Variants in SNRPN observed in about 807,000 individuals in gnomAD.
The protein encoded by SNRPN is small nuclear ribonucleoprotein polypeptide N, also known as small nuclear ribonucleoprotein-associated protein N.
Under a neutral mutation model 25.2 loss-of-function variants are expected in SNRPN, and 7 were observed. The ratio of observed to expected loss-of-function variants is 0.28; its 90% CI spans 0.16 to 0.52. SNRPN has a LOEUF of 0.52. Among genes scored for constraint, SNRPN ranks in the 20% least tolerant of loss-of-function variants. SNRPN has a pLI of 0.96. For synonymous variants in SNRPN, 124 were observed against 110.6 expected, an observed-to-expected ratio of 1.12 and a Z score of -0.76; for missense variants, 196 against 322.5, an observed-to-expected ratio of 0.61 and a Z score of 3.00.
chr15:24,934,918 G>A (rs2061126420), intron 3 of SNRPN, among the ~76,000 whole-genome samples: 2 of 152,130 alleles, frequency 1.3e-5, no homozygotes, highest in East Asian at 3.8e-4. Flanking sequence ...TATTTTGTTG[G>A]GAGATCACAA....
At chr15:24,857,990 A>G (rs55919313) in intron 1 of SNRPN, among the ~76,000 whole-genome samples, 24,139 of 151,908 alleles carry the variant, frequency 0.16, 2,101 homozygotes, top group East Asian at 0.36. Context: ...TTGGGGCCAT[A>G]AGATCAGATG....
At chr15:24,825,748 A>C (rs541499594) in intron 1 of SNRPN, among the ~76,000 whole-genome samples, 3 of 152,238 alleles carry the variant, frequency 2.0e-5, no homozygotes, top group African/African-American at 7.2e-5. Context: ...AATGTGTTAA[A>C]TATCTCATGT....
chr15:24,891,494 A>G (rs1019806137), intron 2 of SNRPN, among the ~76,000 whole-genome samples: 1 of 151,278 alleles, frequency 6.6e-6, no homozygotes, highest in East Asian at 2.0e-4. Context: ...CTGGAGTGCA[A>G]TGGCGCAATC....
chr15:24,912,497 G>C (rs2059275719), intron 2 of SNRPN: 1 of 152,140 alleles, frequency 6.6e-6, no homozygotes, highest in East Asian at 1.9e-4. Context: ...AGACATTTTG[G>C]AGTTACTAAG....
intron 3 of SNRPN, among the ~76,000 whole-genome samples, chr15:24,972,995 C>A (rs957547826): frequency 6.6e-6 from 1 of 152,148 alleles, no homozygotes; most frequent in Non-Finnish European, 1.5e-5. Flanking sequence ...TCAAGCGATT[C>A]TCCTGCCTCA....
chr15:24,912,388 C>T (rs1210501857), intron 2 of SNRPN: 2 of 152,138 alleles, frequency 1.3e-5, no homozygotes, highest in Admixed American at 6.5e-5. Context: ...GCCATTGTCT[C>T]GGGATTAATT....
rs1021234719 is a variant in SNRPN at position 24,832,260 on chromosome 15, G to T, written c.-579+2355G>T. 7.9e-5 allele frequency among the ~76,000 whole-genome samples: 12 copies of T among 151,180 alleles called. 1 individual carries two copies. The highest frequency in any genetic ancestry group is 2.9e-4 in the African/African-American group (12 of 41,220). On this transcript the variant is annotated intron_variant, in intron 2 of 12. Transcript: ENST00000400100. The stretch of plus-strand genomic sequence containing the variant: ...CTATGTATGTCTTCATATTTATACA[G>T]ATTTCCAATATACAAGATATAACGG...
rs759079550 is a variant in SNRPN at position 24,976,957 on chromosome 15, T to C, written c.348T>C (p.Ala116=). Residue 116 remains alanine (A), a synonymous_variant, in exon 7 of 10, where the codon GCT becomes GCC. Coordinates refer to ENST00000390687, the MANE Select transcript of SNRPN (RefSeq NM_003097.6). The stretch of plus-strand genomic sequence containing the variant: ...GGGCAGCTGGTAGAGGAGTACCAGC[T>C]GGTGTGCCAATTCCCCAGGCCCCTG... The part of the protein sequence containing the change: ...VGRAAGRGVP[A]GVPIPQAPAG... 1.6e-5 allele frequency: 25 copies of C among 1,606,246 alleles called. No homozygotes were observed. The South Asian group carries it at 2.7e-4, about 17-fold the overall frequency.
chr15:24,975,069 GT>G (rs2076913694), intron 4 of SNRPN: 1 of 681,126 alleles, frequency 1.5e-6, no homozygotes, highest in Admixed American at 2.1e-5. Flanking sequence ...TTGTGGTTTG[GT>G]TTACTTAGGG....
chr15:24,902,721 T>C (rs1419379916), intron 2 of SNRPN, among the ~76,000 whole-genome samples: 1 of 152,196 alleles, frequency 6.6e-6, no homozygotes, highest in Non-Finnish European at 1.5e-5. Flanking sequence ...TCCGGAGTTG[T>C]TCCTTCCTCC....
intron 2 of SNRPN, among the ~76,000 whole-genome samples, chr15:24,837,501 T>G (rs2051304334): frequency 6.6e-6 from 1 of 151,080 alleles, no homozygotes; most frequent in East Asian, 2.0e-4. Context: ...CCCGAGTAGC[T>G]GGGACTACAG....
chr15:24,912,950 A>AT, intron 2 of SNRPN, among the ~76,000 whole-genome samples: 1 of 152,130 alleles, frequency 6.6e-6, no homozygotes, highest in South Asian at 2.1e-4. Flanking sequence ...TTATTTATTT[A>AT]TTTTTTTGAG....
chr15:24,904,492 T>C (rs773733178), intron 2 of SNRPN, among the ~76,000 whole-genome samples: 1 of 151,906 alleles, frequency 6.6e-6, no homozygotes, highest in African/African-American at 2.4e-5. Context: ...CCGTCTCTAC[T>C]AAAAATACAA....
At chr15:24,962,438 G>A (rs916765026) in intron 2 of SNRPN, among the ~76,000 whole-genome samples, 26 of 152,120 alleles carry the variant, frequency 1.7e-4, no homozygotes, top group African/African-American at 6.3e-4. Context: ...GTGGGTAAGT[G>A]CATTTTATCT....
intron 2 of SNRPN, among the ~76,000 whole-genome samples, chr15:24,963,877 A>C (rs2075234233): frequency 6.6e-6 from 1 of 151,966 alleles, no homozygotes; most frequent in Non-Finnish European, 1.5e-5. Context: ...TCTACAGAAA[A>C]ATAAATTAGC....
At chr15:24,834,308 T>A (rs1027705137) in intron 2 of SNRPN, among the ~76,000 whole-genome samples, 2 of 152,010 alleles carry the variant, frequency 1.3e-5, no homozygotes, top group Admixed American at 6.5e-5. Context: ...CTTCCTGGAC[T>A]TGGGAGTGGG....
intron 1 of SNRPN, among the ~76,000 whole-genome samples, chr15:24,868,536 G>A (rs2054806759): frequency 6.6e-6 from 1 of 152,140 alleles, no homozygotes; most frequent in Non-Finnish European, 1.5e-5. Context: ...ATAAGTCAAG[G>A]TTGCTGCCCA....
chr15:24,950,017 G>A (rs2062141360), upstream of SNRPN, among the ~76,000 whole-genome samples: 1 of 151,956 alleles, frequency 6.6e-6, no homozygotes, highest in South Asian at 2.1e-4. Flanking sequence ...TAGTAGAAAT[G>A]GAGTCTTGCT....
At chr15:24,954,336 A>G (rs758682520), upstream of SNRPN, among the ~76,000 whole-genome samples, 2 of 152,178 alleles carry the variant, frequency 1.3e-5, no homozygotes, top group Non-Finnish European at 2.9e-5. Flanking sequence ...GTCTAAGTTC[A>G]TATTTTTGTT....
Sources: gnomAD v4.1 joint callset for allele counts (sites outside exome capture counted in the v4.1 genomes callset) on GRCh38, gnomAD v4.1.1 for gene constraint, MANE v1.5 for transcripts, NCBI Gene and HGNC (gene_info 2026-07-23, HGNC 2026-07-21) for gene names.